The following SPTBN5 variants were observed in gnomAD, a reference collection of about 807,000 sequenced individuals.
SPTBN5 encodes spectrin beta chain, non-erythrocytic 5.
In SPTBN5, 513 loss-of-function variants were observed where a neutral mutation model predicts 477.6. The ratio of observed to expected loss-of-function variants is 1.07; its 90% CI spans 1.00 to 1.16. The LOEUF (loss-of-function observed/expected upper bound fraction) is 1.16, where lower values mean the gene tolerates loss of function less well. Ranked by LOEUF, SPTBN5 falls within the 50% of genes most tolerant of loss-of-function variation. SPTBN5 has a pLI of 0.00. For synonymous variants in SPTBN5, 2,169 were observed against 2,011.7 expected (o/e 1.08, Z -2.09); for missense variants, 5,062 against 4,731.8 (o/e 1.07, Z -2.05).
chr15:41,855,082 A>C, intron 55 of SPTBN5, 106 bp from the exon 56 acceptor site: 1 of 1,439,942 alleles, frequency 6.9e-7, no homozygotes, highest in Non-Finnish European at 9.3e-7. Flanking sequence ...CCCTCAGCCC[A>C]GGTTCTGGAA....
intron 23 of SPTBN5, 101 bp downstream of exon 23, chr15:41,874,741 G>A: frequency 8.3e-7 from 1 of 1,206,030 alleles, no homozygotes; most frequent in East Asian, 2.5e-5. Context: ...CTACTCATAA[G>A]GGAGGAGGTC....
In SPTBN5 at chr15:41,853,810, G is replaced by C. The variant is rs925567363; in HGVS notation, c.9775-23C>G. ...TCTCTGCAACCAGAGCATGAGATCA[G>C]GCCTCAGTCCCCCCACTGAGCCGAT... On this transcript the variant is annotated intron_variant, in intron 57 of 67. Coordinates refer to ENST00000320955, the MANE Select transcript of SPTBN5 (RefSeq NM_016642.4). 3 of 1,534,800 alleles carry C rather than the reference G, an allele frequency of 2.0e-6. No homozygotes were observed. In the African/African-American group the frequency reaches 4.1e-5, roughly 21 times the overall value.
At chr15:41,867,678 T>TCCAG in intron 34 of SPTBN5, 36 bp from the exon 35 acceptor site, 2 of 1,596,862 alleles carry the variant, frequency 1.3e-6, no homozygotes, top group Non-Finnish European at 1.7e-6. Flanking sequence ...CACCAAGCCT[T>TCCAG]CCAGCCAGCC....
At chr15:41,882,913 A>AAC in intron 9 of SPTBN5, 83 bp downstream of exon 9, 1 of 1,402,904 alleles carries the variant, frequency 7.1e-7, no homozygotes, top group African/African-American at 1.4e-5. Context: ...CTGGCAGGCC[A>AAC]ACAGTACTTT....
chr15:41,866,356 G>A lies in SPTBN5; in HGVS notation c.6618C>T (p.Thr2206=), dbSNP rs769823506. The change falls in exon 37 of 68, where the codon ACC becomes ACT. Residue 2206 remains threonine (T), a synonymous_variant. Transcript: ENST00000320955. ...AEVQAHEEVM[T]SVAKKGEALL... ...GCCCGGTTGTTACCTTGGCAACAGA[G>A]GTCATGACCTCCTCATGGGCCTGGA... 29 of 1,602,226 alleles carry A rather than the reference G, an allele frequency of 1.8e-5. 1 individual carries two copies. The highest frequency in any genetic ancestry group is 3.4e-5 in the South Asian group (3 of 89,518).
intron 32 of SPTBN5, among the ~76,000 whole-genome samples, chr15:41,868,930 T>C (rs1328201292): frequency 1.3e-5 from 2 of 152,310 alleles, no homozygotes; most frequent in East Asian, 3.9e-4. Flanking sequence ...ATCAGCCCCA[T>C]CAAGACTGCT....
At chr15:41,885,584 C>T (rs1180906409) in intron 7 of SPTBN5, 151 bp downstream of exon 7, 5 of 979,154 alleles carry the variant, frequency 5.1e-6, no homozygotes, top group Admixed American at 3.1e-5. Context: ...TTGCAAGCAT[C>T]ACTGGGAGAT....
chr15:41,868,883 C>A (rs2066433896), intron 32 of SPTBN5, among the ~76,000 whole-genome samples: 1 of 152,232 alleles, frequency 6.6e-6, no homozygotes, highest in African/African-American at 2.4e-5. Context: ...ACAGAGCTCA[C>A]CTGGATGAGG....
In SPTBN5 at chr15:41,893,933, G is replaced by C. The variant is rs1251456187; in HGVS notation, c.-84C>G. 2 of 222,090 alleles carry C rather than the reference G, an allele frequency of 9.0e-6. No homozygotes were observed. The highest frequency in any genetic ancestry group is 1.8e-5 in the Non-Finnish European group (2 of 110,364). The allele number at this position is 222,090 out of a possible 1,614,324, so 13.8% of individuals were successfully genotyped here. A position where few individuals can be genotyped will look rare whatever the true frequency, so the allele number is the denominator to read the frequency against. On this transcript the variant is annotated 5_prime_UTR_variant, in exon 1 of 68. Coordinates refer to ENST00000320955, the MANE Select transcript of SPTBN5 (RefSeq NM_016642.4). ...GCCTGGGTTCCACAGAGGCGGCCCA[G>C]CTGGACGGATGGAGATGGCAGATAG... is the stretch of plus-strand genomic sequence containing the variant.
rs779706896 is a variant in SPTBN5, at chr15:41,857,452, G to A, written c.8407C>T (p.Leu2803=). ...RRSMEELENW[L]EPIEVELRAP... is the part of the protein sequence containing the mutation. ...CTCAGCTCAACCTCGATGGGCTCCA[G>A]CCAGTTCTCCAGTTCCTCCATGCTC... is the stretch of plus-strand genomic sequence containing the variant. Residue 2803 remains leucine, a synonymous_variant, in exon 51 of 68, where the codon CTG becomes TTG. Coordinates refer to ENST00000320955, the MANE Select transcript of SPTBN5 (RefSeq NM_016642.4). 19 of 1,608,828 alleles carry A rather than the reference G, an allele frequency of 1.2e-5. No individual in the cohort carries two copies. The South Asian group carries it at 1.7e-4, about 14-fold the overall frequency.
rs781457353 is a variant in SPTBN5, at chr15:41,869,824, AG to A, written c.5853+16del. On this transcript the variant is annotated intron_variant, in intron 32 of 67. Coordinates refer to ENST00000320955, the MANE Select transcript of SPTBN5 (RefSeq NM_016642.4). ...ACACATGCACACACACACCACCCAA[AG>A]GGCAGGAGCCCTCACCGCCGTGCGG... is the stretch of plus-strand genomic sequence containing the variant. 8 of 1,537,476 alleles carry A rather than the reference AG, an allele frequency of 5.2e-6. No individual in the cohort carries two copies. The Admixed American group carries it at 1.7e-4, about 33-fold the overall frequency.
chr15:41,881,949 G>A lies in SPTBN5; in HGVS notation c.2444C>T (p.Ala815Val), dbSNP rs370303107. ...EEQGRAASAR[A>V]SLFTVNSALS... ...CCCCGTCCTCACCGTGAATAACGAC[G>A]CCCGGGCCGAGGCCGCCCGCCCCTG... Residue 815 changes from alanine (A) to valine (V), a missense_variant, in exon 12 of 68, where the codon GCG (alanine) becomes GTG (valine). Transcript: ENST00000320955. The A allele has an allele frequency of 1.6e-5, 24 of 1,528,188 alleles. No homozygotes were observed. In the African/African-American group the frequency reaches 3.0e-4, roughly 19 times the overall value. The allele number at this position is 1,528,188 out of a possible 1,614,324, so 94.7% of individuals were successfully genotyped here.
At chr15:41,890,773 G>A (rs981758646) in intron 3 of SPTBN5, among the ~76,000 whole-genome samples, 3 of 152,216 alleles carry the variant, frequency 2.0e-5, no homozygotes, top group African/African-American at 7.2e-5. Flanking sequence ...AACACCTTGG[G>A]TGGCTCTTAG....
chr15:41,873,263 G>T (rs1032861520), intron 26 of SPTBN5, among the ~76,000 whole-genome samples: 2 of 152,124 alleles, frequency 1.3e-5, no homozygotes, highest in Non-Finnish European at 2.9e-5. Context: ...ACAGGGAGAG[G>T]CAAGACTCGT....
intron 17 of SPTBN5, among the ~76,000 whole-genome samples, chr15:41,877,677 C>T (rs560069281): frequency 6.6e-5 from 10 of 152,208 alleles, no homozygotes; most frequent in African/African-American, 1.9e-4. Context: ...TTTGAACAAT[C>T]AGAAAAGGTG....
rs78489122 is a variant in SPTBN5 at position 41,850,920 on chromosome 15, T to C, written c.10855A>G (p.Ile3619Val). The C allele has an allele frequency of 0.048, 77,093 of 1,598,290 alleles. 2,209 individuals are homozygous for C. Among genetic ancestry groups the C allele is most frequent in the Non-Finnish European group, 0.058 (67,876 of 1,174,962 alleles). The change falls in exon 66 of 68, where the codon ATC (isoleucine) becomes GTC (valine). Residue 3619 changes from isoleucine (I) to valine (V), a missense_variant. Ile to Val is a conservative substitution (Grantham distance 29). Transcript: ENST00000320955. ...TCTTCGGACGGTGCTGCAAACAGGA[T>C]CTCTGCCCCACTGGTCAGCCTGGCA... is the stretch of plus-strand genomic sequence containing the variant. ...FSLRLTSGAE[I>V]LFAAPSEEQA...
intron 22 of SPTBN5, 100 bp from the exon 23 acceptor site, chr15:41,875,156 C>T (rs2066682189): frequency 2.6e-6 from 3 of 1,160,602 alleles, no homozygotes; most frequent in Non-Finnish European, 3.6e-6. Context: ...ACCAGATTCA[C>T]CAGGGAGCTC....
At chr15:41,880,124 A>G (rs374245264) in intron 14 of SPTBN5, 36 bp downstream of exon 14, 11 of 1,546,328 alleles carry the variant, frequency 7.1e-6, no homozygotes, top group Middle Eastern at 1.7e-4. Flanking sequence ...GGCAGGGGCA[A>G]GGCGAGGAGG....
intron 34 of SPTBN5, 149 bp from the exon 35 acceptor site, chr15:41,867,791 G>C: frequency 1.2e-6 from 1 of 865,788 alleles, no homozygotes; most frequent in Non-Finnish European, 1.9e-6. Flanking sequence ...TGGGAGTCCA[G>C]GTTGGGAGGC....
Sources: allele counts gnomAD v4.1 joint callset (sites outside exome capture counted in the v4.1 genomes callset), GRCh38; gene constraint gnomAD v4.1.1; transcripts MANE v1.5; gene names NCBI Gene and HGNC (gene_info 2026-07-23, HGNC 2026-07-21).